The following H2BC18 variants were observed in gnomAD, a reference collection of about 807,000 sequenced individuals.
H2BC18 encodes the protein H2B clustered histone 18.
H2BC18 carries 8 observed loss-of-function variants against 6.3 expected under a neutral mutation model. The ratio of observed to expected loss-of-function variants is 1.28; its 90% CI spans 0.75 to 2.31. The LOEUF (loss-of-function observed/expected upper bound fraction) is 2.31. Ranked by LOEUF, H2BC18 falls within the 30% of genes most tolerant of loss-of-function variation. H2BC18 has a pLI of 0.00. For synonymous variants in H2BC18, 104 were observed against 78.1 expected (o/e 1.33, Z -1.75); for missense variants, 106 against 174.5 (o/e 0.61, Z 2.21).
At chr1:149,804,340 TAA>T (rs2091898991) in intron 1 of H2BC18, among the ~76,000 whole-genome samples, 1 of 152,222 alleles carries the variant, frequency 6.6e-6, no homozygotes, top group Admixed American at 6.5e-5. Flanking sequence ...ACAGACACTA[TAA>T]AGTCTCATTT....
At chr1:149,801,968 C>G (rs1211835012) in intron 1 of H2BC18, among the ~76,000 whole-genome samples, 1 of 151,774 alleles carries the variant, frequency 6.6e-6, no homozygotes, top group Non-Finnish European at 1.5e-5. Context: ...TCATAAACAC[C>G]ATGAAATAAA....
chr1:149,786,491 T>C (rs2091553673), intron 1 of H2BC18: 1 of 152,262 alleles, frequency 6.6e-6, no homozygotes, highest in Admixed American at 6.5e-5. Context: ...TGCCCTATTT[T>C]AAAATGTTTT....
intron 1 of H2BC18, among the ~76,000 whole-genome samples, chr1:149,793,630 C>G (rs1553752484): frequency 2.0e-5 from 3 of 151,788 alleles, no homozygotes; most frequent in Admixed American, 6.5e-5. Flanking sequence ...TGGGCCCATC[C>G]TTCAATCCGA....
chr1:149,806,492 G>A (rs1347656496), intron 1 of H2BC18, among the ~76,000 whole-genome samples: 1 of 152,096 alleles, frequency 6.6e-6, no homozygotes, highest in African/African-American at 2.4e-5. Context: ...GGAGGCTGAA[G>A]CAGGAGAATC....
chr1:149,785,380 A>G (rs2091513537), intron 1 of H2BC18, among the ~76,000 whole-genome samples: 3 of 126,664 alleles, frequency 2.4e-5, no homozygotes, highest in African/African-American at 3.0e-5. Context: ...TAGGATGGAG[A>G]GGTTAGGGAA....
At chr1:149,796,791 G>A (rs1356940551) in intron 1 of H2BC18, among the ~76,000 whole-genome samples, 1 of 152,080 alleles carries the variant, frequency 6.6e-6, no homozygotes, top group Non-Finnish European at 1.5e-5. Context: ...ATTTCATTTA[G>A]CCTTCATAAT....
intron 1 of H2BC18, chr1:149,790,345 G>A: frequency 6.3e-7 from 1 of 1,585,376 alleles, no homozygotes; most frequent in Non-Finnish European, 8.6e-7. Context: ...CTTGGTGAGT[G>A]AGAATGACGG....
rs2091981361 is a variant in H2BC18 at position 149,811,950 on chromosome 1, G to A, written c.374C>T (p.Ser125Leu). 1.9e-6 allele frequency: 3 copies of A among 1,613,224 alleles called. No individual in the cohort carries two copies. The highest frequency in any genetic ancestry group is 1.7e-5 in the Admixed American group (1 of 59,968). ...GTKAVTKYTS[S>L]K ...TGCGTCCCTTGCACACTCTTACTTCGAGCTGGTGTACTTGGTGACCGCCTT... is the reference window on the plus strand; with the variant it reads ...TGCGTCCCTTGCACACTCTTACTTCAAGCTGGTGTACTTGGTGACCGCCTT... The change falls in exon 1 of 1, where the codon TCG (serine) becomes TTG (leucine). Residue 125 changes from serine to leucine, a missense_variant. Coordinates refer to ENST00000369167, the MANE Select transcript of H2BC18 (RefSeq NM_001024599.5).
intron 1 of H2BC18, among the ~76,000 whole-genome samples, chr1:149,784,660 T>C: frequency 6.8e-6 from 1 of 148,126 alleles, no homozygotes; most frequent in East Asian, 2.0e-4. Flanking sequence ...ATATACATAT[T>C]ATGCATATAT....
chr1:149,801,941 C>A (rs1482312265), intron 1 of H2BC18, among the ~76,000 whole-genome samples: 2 of 152,040 alleles, frequency 1.3e-5, no homozygotes, highest in African/African-American at 2.4e-5. Context: ...CTTTCCCCCA[C>A]AAACACATCT....
At chr1:149,792,294 A>C (rs1245572432) in intron 1 of H2BC18, 6 of 224,456 alleles carry the variant, frequency 2.7e-5, no homozygotes, top group African/African-American at 1.5e-4. Context: ...AAGTGGGGAG[A>C]AGCGGCGATA....
chr1:149,811,704 A>G (rs2091976561), downstream of H2BC18: 6 of 637,064 alleles, frequency 9.4e-6, no homozygotes, highest in South Asian at 8.0e-5. Flanking sequence ...CGTAGCACAG[A>G]TAACAAGCAA....
At chr1:149,799,140 ATCT>A in intron 1 of H2BC18, among the ~76,000 whole-genome samples, 1 of 141,414 alleles carries the variant, frequency 7.1e-6, no homozygotes, top group South Asian at 2.4e-4. Flanking sequence ...ATTATCTCAC[ATCT>A]TCCCTTATGA....
chr1:149,795,759 G>T (rs1392661098), intron 1 of H2BC18, among the ~76,000 whole-genome samples: 2 of 150,222 alleles, frequency 1.3e-5, no homozygotes, highest in Non-Finnish European at 3.0e-5. Flanking sequence ...CTGTAAGGCC[G>T]CTTATAAAAA....
intron 1 of H2BC18, among the ~76,000 whole-genome samples, chr1:149,797,432 A>G (rs2091812423): frequency 1.3e-5 from 2 of 152,090 alleles, no homozygotes; most frequent in African/African-American, 4.8e-5. Context: ...CTTTTTCAAT[A>G]GTAAGTTTAC....
At chr1:149,806,870 A>G (rs1296146966) in intron 1 of H2BC18, among the ~76,000 whole-genome samples, 3 of 152,164 alleles carry the variant, frequency 2.0e-5, no homozygotes, top group Admixed American at 6.5e-5. Flanking sequence ...GAAATGGAGC[A>G]AAACAGGTAA....
chr1:149,788,111 T>A (rs2091600354), intron 1 of H2BC18: 1 of 528,778 alleles, frequency 1.9e-6, no homozygotes, highest in South Asian at 2.1e-5. Flanking sequence ...CTGTATGAAC[T>A]GTTTTTGTTT....
intron 1 of H2BC18, chr1:149,787,212 G>T (rs1374560832): frequency 6.6e-6 from 1 of 152,180 alleles, no homozygotes; most frequent in Non-Finnish European, 1.5e-5. Flanking sequence ...ATCCATGACT[G>T]TAAAATTCAT....
intron 1 of H2BC18, chr1:149,794,024 C>A (rs1317519300): frequency 8.4e-6 from 6 of 713,614 alleles, no homozygotes; most frequent in Non-Finnish European, 1.3e-5. Flanking sequence ...TAGCTGACAG[C>A]TGGCTGGGAG....
Sources: gnomAD v4.1 joint callset for allele counts (sites outside exome capture counted in the v4.1 genomes callset) on GRCh38, gnomAD v4.1.1 for gene constraint, MANE v1.5 for transcripts, NCBI Gene and HGNC (gene_info 2026-07-23, HGNC 2026-07-21) for gene names.